Variants in AFF2 observed in about 807,000 individuals in gnomAD.
The protein encoded by AFF2 is ALF transcription elongation factor 2.
A neutral mutation model predicts 76.9 loss-of-function variants in AFF2; 14 were observed. The ratio of observed to expected loss-of-function variants is 0.18; its 90% CI spans 0.12 to 0.28. The LOEUF (loss-of-function observed/expected upper bound fraction) is 0.28. Among genes scored for constraint, AFF2 ranks in the 10% least tolerant of loss-of-function variants. The probability of loss-of-function intolerance (pLI) is 1.00; values close to 1 mark genes in which losing one functional copy is unlikely to be tolerated. For synonymous variants in AFF2, 398 were observed against 366.7 expected (o/e 1.09, Z -0.98); for missense variants, 868 against 1,001.1 (o/e 0.87, Z 1.79).
intron 3 of AFF2, among the ~76,000 whole-genome samples, chrX:148,689,502 C>A (rs1171540109): frequency 1.8e-5 from 2 of 110,072 alleles, no homozygotes; most frequent in Admixed American, 2.0e-4. Context: ...TTGGGAAGGT[C>A]CCAGGTTTTA....
At chrX:148,545,747 A>T (rs868996248) in intron 1 of AFF2, among the ~76,000 whole-genome samples, 86 of 105,137 alleles carry the variant, frequency 8.2e-4, no homozygotes, top group African/African-American at 3.0e-3. Flanking sequence ...TAAATAAATT[A>T]AAAAAAAAAG....
chrX:148,665,797 G>A (rs2054352604), intron 3 of AFF2, among the ~76,000 whole-genome samples: 1 of 111,859 alleles, frequency 8.9e-6, no homozygotes, highest in Non-Finnish European at 1.9e-5. Context: ...CAGGCACTAG[G>A]TTCCGGGTCT....
chrX:148,968,735 G>A (rs1557289156), intron 15 of AFF2, among the ~76,000 whole-genome samples: 1 of 111,981 alleles, frequency 8.9e-6, no homozygotes, highest in Non-Finnish European at 1.9e-5. Context: ...GTGTCTGCAG[G>A]TGACCTTTCT....
intron 1 of AFF2, among the ~76,000 whole-genome samples, chrX:148,560,453 T>TA (rs1557240413): frequency 8.9e-6 from 1 of 111,992 alleles, no homozygotes; most frequent in African/African-American, 3.2e-5. Context: ...TAGGCAATAC[T>TA]ATTCAGGACA....
chrX:148,548,874 T>C (rs1211133639), intron 1 of AFF2, among the ~76,000 whole-genome samples: 1 of 112,886 alleles, frequency 8.9e-6, no homozygotes, highest in African/African-American at 3.2e-5. Flanking sequence ...ACAATCTTTT[T>C]GGTATGTGTG....
At chrX:148,567,394 A>G (rs1557241817) in intron 1 of AFF2, among the ~76,000 whole-genome samples, 1 of 111,261 alleles carries the variant, frequency 9.0e-6, no homozygotes, top group Non-Finnish European at 1.9e-5. Flanking sequence ...AAGCAGGGAA[A>G]CCTAGCCGTT....
At chrX:148,873,060 A>T (rs1451476125) in intron 7 of AFF2, among the ~76,000 whole-genome samples, 1 of 111,466 alleles carries the variant, frequency 9.0e-6, no homozygotes, top group Non-Finnish European at 1.9e-5. Flanking sequence ...TTGGCAGCCC[A>T]CGTTAACCAC....
intron 9 of AFF2, among the ~76,000 whole-genome samples, chrX:148,938,459 A>G (rs1023589255): frequency 8.9e-6 from 1 of 112,288 alleles, no homozygotes; most frequent in African/African-American, 3.2e-5. Context: ...ATACTAAAAA[A>G]GAACCTATGT....
chrX:148,636,019 A>G (rs1408413250), intron 1 of AFF2, among the ~76,000 whole-genome samples: 4 of 109,435 alleles, frequency 3.7e-5, no homozygotes, highest in Non-Finnish European at 7.6e-5. Context: ...GTGTGTGGAT[A>G]TATATATATA....
At chrX:148,799,322 G>T (rs2070026977) in intron 3 of AFF2, among the ~76,000 whole-genome samples, 1 of 111,363 alleles carries the variant, frequency 9.0e-6, no homozygotes, top group East Asian at 2.8e-4. Context: ...TGGTAATTTT[G>T]CCAACACTCC....
At chrX:148,770,955 C>G (rs1191722068) in intron 3 of AFF2, among the ~76,000 whole-genome samples, 2 of 111,972 alleles carry the variant, frequency 1.8e-5, no homozygotes, top group Non-Finnish European at 3.8e-5. Context: ...ATGTGGCTCA[C>G]TGTGCCTCAA....
At chrX:148,518,910 T>G (rs2124212062) in intron 1 of AFF2, among the ~76,000 whole-genome samples, 1 of 111,707 alleles carries the variant, frequency 9.0e-6, no homozygotes, top group South Asian at 3.8e-4. Flanking sequence ...AAGGGGAGAA[T>G]AGGAGGAAGA....
chrX:148,975,562 G>A (rs2072310737), intron 16 of AFF2, among the ~76,000 whole-genome samples: 1 of 111,992 alleles, frequency 8.9e-6, no homozygotes, highest in South Asian at 3.7e-4. Flanking sequence ...AATCATAGCT[G>A]TAATAAGTCA....
rs782694393 is a variant in AFF2 at position 148,656,747 on chromosome X, G to A, written c.180+4616G>A. 5.5e-5 allele frequency among the ~76,000 whole-genome samples: 6 copies of A among 109,945 alleles called. No individual in the cohort carries two copies. In the East Asian group the frequency reaches 8.6e-4, roughly 16 times the overall value. ...GATCTCCTGACCTCGTGATCCGCCC[G>A]CCTCGGCCTCCCAAAGTGCTGGGAT... On this transcript the variant is annotated intron_variant, in intron 2 of 20. Coordinates refer to ENST00000370460, the MANE Select transcript of AFF2 (RefSeq NM_002025.4).
chrX:148,995,543 C>T lies in AFF2; in HGVS notation c.*4211C>T, dbSNP rs1034583741. On this transcript the variant is annotated 3_prime_UTR_variant, in exon 21 of 21. Transcript: ENST00000370460. The stretch of plus-strand genomic sequence containing the variant: ...CAAAGCCAGATTGCAGTTCTTGCCC[C>T]TTTTTGCGTCTGACATGAGATGTTA... 1 of 110,519 alleles carries T rather than the reference C, an allele frequency of 9.0e-6. No individual in the cohort carries two copies. The highest frequency in any genetic ancestry group is 9.5e-5 in the Admixed American group (1 of 10,491). 9.1% of individuals were successfully genotyped at this position (110,519 alleles called of 1,213,427 possible).
intron 9 of AFF2, among the ~76,000 whole-genome samples, chrX:148,920,603 GGTGTGTGTGTGA>G (rs1338775035): frequency 8.1e-4 from 63 of 77,815 alleles, no homozygotes; most frequent in Non-Finnish European, 1.4e-3. Flanking sequence ...ATGTCTTTGG[GGTGTGTGTGTGA>G]GTGTGCGTGT....
chrX:148,623,782 C>T (rs1693771309), intron 1 of AFF2, among the ~76,000 whole-genome samples: 1 of 110,344 alleles, frequency 9.1e-6, no homozygotes, highest in Admixed American at 9.7e-5. Flanking sequence ...CACAGAGTTT[C>T]AAACTGCATC....
chrX:148,508,043 G>A (rs1345591438), intron 1 of AFF2, among the ~76,000 whole-genome samples: 1 of 112,449 alleles, frequency 8.9e-6, no homozygotes, highest in African/African-American at 3.2e-5. Flanking sequence ...TTATATGAAG[G>A]TGTAAAAGCC....
chrX:148,838,473 C>T (rs1381872767), intron 5 of AFF2, among the ~76,000 whole-genome samples: 1 of 111,640 alleles, frequency 9.0e-6, no homozygotes, highest in Non-Finnish European at 1.9e-5. Context: ...ATAGAGAAGA[C>T]AAGACTCAGA....
Sources: allele counts gnomAD v4.1 joint callset (sites outside exome capture counted in the v4.1 genomes callset), GRCh38; gene constraint gnomAD v4.1.1; transcripts MANE v1.5; gene names NCBI Gene and HGNC (gene_info 2026-07-23, HGNC 2026-07-21).